Variants in B3GALT1 observed in about 807,000 individuals in gnomAD.
The protein encoded by B3GALT1 is beta-1,3-galactosyltransferase 1.
Under a neutral mutation model 23.2 loss-of-function variants are expected in B3GALT1, and 10 were observed. That is an observed-to-expected ratio of 0.43 (90% CI 0.27 to 0.73). B3GALT1 has a LOEUF of 0.73. Among genes scored for constraint, B3GALT1 ranks in the 30% least tolerant of loss-of-function variants. B3GALT1 has a pLI of 0.21. For synonymous variants in B3GALT1, 156 were observed against 141.5 expected (o/e 1.10, Z -0.73); for missense variants, 299 against 405.4 (o/e 0.74, Z 2.25).
intron 4 of B3GALT1, among the ~76,000 whole-genome samples, chr2:167,825,550 T>C (rs1007290827): frequency 1.3e-5 from 2 of 151,194 alleles, no homozygotes; most frequent in Non-Finnish European, 2.9e-5. Context: ...GACAATTCTC[T>C]TACTAATTCC....
At chr2:167,663,563 T>G (rs1281413557) in intron 3 of B3GALT1, among the ~76,000 whole-genome samples, 1 of 151,556 alleles carries the variant, frequency 6.6e-6, no homozygotes, top group East Asian at 1.9e-4. Context: ...TTGAACTAGT[T>G]TACAGTCCCA....
intron 3 of B3GALT1, among the ~76,000 whole-genome samples, chr2:167,791,224 C>T (rs754018041): frequency 6.6e-6 from 1 of 152,148 alleles, no homozygotes; most frequent in Non-Finnish European, 1.5e-5. Context: ...AGTAACCCAA[C>T]TAAAGTCACA....
At chr2:167,462,283 A>G (rs1009028678) in intron 1 of B3GALT1, among the ~76,000 whole-genome samples, 2 of 152,194 alleles carry the variant, frequency 1.3e-5, no homozygotes, top group African/African-American at 4.8e-5. Context: ...TCCTGAGAAT[A>G]TAACAGTTGG....
chr2:167,715,110 C>T (rs1421504894), intron 3 of B3GALT1: 3 of 1,613,540 alleles, frequency 1.9e-6, no homozygotes, highest in Admixed American at 1.7e-5. Context: ...AAGTTAGCAG[C>T]ATGAATCAGT....
chr2:167,650,028 T>C (rs565388178), intron 3 of B3GALT1, among the ~76,000 whole-genome samples: 1 of 152,108 alleles, frequency 6.6e-6, no homozygotes, highest in South Asian at 2.1e-4. Context: ...TTTTCACCAC[T>C]GTATATGATG....
intron 1 of B3GALT1, among the ~76,000 whole-genome samples, chr2:167,311,648 GACATA>G (rs1288880247): frequency 6.6e-6 from 1 of 151,800 alleles, no homozygotes; most frequent in Non-Finnish European, 1.5e-5. Flanking sequence ...CTGTAAAGGT[GACATA>G]ACATACTTGA....
At chr2:167,849,607 G>A (rs1689828666) in intron 4 of B3GALT1, among the ~76,000 whole-genome samples, 1 of 152,064 alleles carries the variant, frequency 6.6e-6, no homozygotes, top group Non-Finnish European at 1.5e-5. Flanking sequence ...CTTAAACCTG[G>A]CCGGGCGCGG....
intron 3 of B3GALT1, among the ~76,000 whole-genome samples, chr2:167,811,363 C>A (rs1490374103): frequency 6.6e-6 from 1 of 152,248 alleles, no homozygotes. Flanking sequence ...GCATGGGAAA[C>A]ACTTTCACAG....
chr2:167,683,741 A>T (rs1208556045), intron 3 of B3GALT1, among the ~76,000 whole-genome samples: 1 of 151,680 alleles, frequency 6.6e-6, no homozygotes, highest in Non-Finnish European at 1.5e-5. Context: ...TAAAATTAAA[A>T]AGAAAACACA....
intron 3 of B3GALT1, among the ~76,000 whole-genome samples, chr2:167,710,316 A>G (rs1235534676): frequency 6.6e-6 from 1 of 152,212 alleles, no homozygotes; most frequent in Non-Finnish European, 1.5e-5. Flanking sequence ...CAAGATCCCT[A>G]GAATAGACCC....
rs1325683066 is a variant in B3GALT1 at position 167,870,283 on chromosome 2, C to T, written c.*263C>T. Reference sequence around the variant, plus strand: ...ATCTCAAAAAGTGACTTCCAAACAACTCTTAGGATTGACGTACCGTGCATC... The same window carrying T: ...ATCTCAAAAAGTGACTTCCAAACAATTCTTAGGATTGACGTACCGTGCATC... On this transcript the variant is annotated 3_prime_UTR_variant, in exon 5 of 5. Transcript: ENST00000392690. 1 of 337,402 alleles carries T rather than the reference C, an allele frequency of 3.0e-6. No homozygotes were observed. The highest frequency in any genetic ancestry group is 5.7e-6 in the Non-Finnish European group (1 of 176,880). The allele number at this position is 337,402 out of a possible 1,614,324, so 20.9% of individuals were successfully genotyped here.
intron 2 of B3GALT1, among the ~76,000 whole-genome samples, chr2:167,544,847 C>T (rs1056440045): frequency 2.6e-5 from 4 of 152,058 alleles, no homozygotes; most frequent in African/African-American, 9.7e-5. Context: ...GTCTCACGGG[C>T]TTCAAGGAAT....
At chr2:167,337,237 G>A (rs925795704) in intron 1 of B3GALT1, among the ~76,000 whole-genome samples, 4 of 151,956 alleles carry the variant, frequency 2.6e-5, no homozygotes, top group African/African-American at 9.7e-5. Context: ...TATAATGCAG[G>A]TACTTACTAG....
At chr2:167,420,556 C>T (rs2105301287) in intron 1 of B3GALT1, among the ~76,000 whole-genome samples, 1 of 152,262 alleles carries the variant, frequency 6.6e-6, no homozygotes, top group South Asian at 2.1e-4. Flanking sequence ...ATGGGGCTAA[C>T]CTCAGAAAAG....
chr2:167,377,841 G>A (rs1450219511), intron 1 of B3GALT1, among the ~76,000 whole-genome samples: 4 of 152,136 alleles, frequency 2.6e-5, no homozygotes, highest in Non-Finnish European at 5.9e-5. Flanking sequence ...ATATTAATAT[G>A]TGAGGTTTTA....
intron 3 of B3GALT1, among the ~76,000 whole-genome samples, chr2:167,693,695 G>A (rs770989101): frequency 1.1e-4 from 17 of 152,006 alleles, no homozygotes; most frequent in Non-Finnish European, 1.8e-4. Flanking sequence ...TAAATTTGAC[G>A]TGCTATCTGT....
At chr2:167,654,679 A>G (rs547536787) in intron 3 of B3GALT1, among the ~76,000 whole-genome samples, 1 of 151,914 alleles carries the variant, frequency 6.6e-6, no homozygotes, top group South Asian at 2.1e-4. Context: ...ATTTTTTTGT[A>G]GAGACAGGAT....
At chr2:167,389,096 A>G (rs1475685903) in intron 1 of B3GALT1, among the ~76,000 whole-genome samples, 2 of 152,202 alleles carry the variant, frequency 1.3e-5, no homozygotes, top group Admixed American at 1.3e-4. Flanking sequence ...ATCTGGTTAC[A>G]AAGAGAGCCA....
chr2:167,621,089 C>CT (rs35420239), intron 2 of B3GALT1, among the ~76,000 whole-genome samples: 19,028 of 129,122 alleles, frequency 0.15, 3,431 homozygotes, highest in African/African-American at 0.41. Context: ...TTTTTCAGTT[C>CT]TTTTTTTTTT....
Sources: gnomAD v4.1 joint callset for allele counts (sites outside exome capture counted in the v4.1 genomes callset) on GRCh38, gnomAD v4.1.1 for gene constraint, MANE v1.5 for transcripts, NCBI Gene and HGNC (gene_info 2026-07-23, HGNC 2026-07-21) for gene names.